The following MARCHF8 variants were observed in gnomAD, a reference collection of about 807,000 sequenced individuals.
MARCHF8 encodes the protein E3 ubiquitin-protein ligase MARCHF8.
In MARCHF8, 40 loss-of-function variants were observed where a neutral mutation model predicts 51.6. The observed-to-expected ratio is 0.77, with a 90% CI of 0.60 to 1.01. MARCHF8 has a LOEUF of 1.01. MARCHF8 is among the 50% of genes least tolerant of loss of function. The pLI, the probability that MARCHF8 is intolerant of heterozygous loss-of-function variation, is 0.00. For missense variants in MARCHF8, 685 were observed against 708.6 expected, an observed-to-expected ratio of 0.97 and a Z score of 0.38; for synonymous variants, 263 against 280.3, an observed-to-expected ratio of 0.94 and a Z score of 0.62.
intron 2 of MARCHF8, among the ~76,000 whole-genome samples, chr10:45,492,104 T>C (rs2043091050): frequency 6.6e-6 from 1 of 152,222 alleles, no homozygotes; most frequent in Non-Finnish European, 1.5e-5. Flanking sequence ...GAACAATTCA[T>C]ATTTTACATT....
At chr10:45,481,912 C>T (rs887512470) in intron 3 of MARCHF8, among the ~76,000 whole-genome samples, 3 of 151,968 alleles carry the variant, frequency 2.0e-5, no homozygotes, top group African/African-American at 4.8e-5. Context: ...TGATTTTATA[C>T]CTAGAAAAAC....
In MARCHF8 at chr10:45,456,832, G is replaced by C. The variant is rs1392758047; in HGVS notation, c.*1407C>G. The C allele has an allele frequency of 6.6e-6, 1 of 152,270 alleles. No homozygotes were observed. Among genetic ancestry groups the C allele is most frequent in the Non-Finnish European group, 1.5e-5 (1 of 68,060 alleles). The allele number at this position is 152,270 out of a possible 1,614,324, so 9.4% of individuals were successfully genotyped here. On this transcript the variant is annotated 3_prime_UTR_variant, in exon 8 of 8. Transcript: ENST00000453424. ...AGGGACAAGGCCATTTGATGGTAGTGATTTTGGTTTTGTTTTATGAAAATG... is the reference window on the plus strand; with the variant it reads ...AGGGACAAGGCCATTTGATGGTAGTCATTTTGGTTTTGTTTTATGAAAATG...
At chr10:45,468,956 A>C (rs573111695) in intron 3 of MARCHF8, among the ~76,000 whole-genome samples, 2 of 152,232 alleles carry the variant, frequency 1.3e-5, no homozygotes, top group East Asian at 3.9e-4. Flanking sequence ...TGTCTCAGCA[A>C]TTCTTTTAGG....
chr10:45,581,805 C>T (rs1372658202), intron 1 of MARCHF8, among the ~76,000 whole-genome samples: 5 of 152,008 alleles, frequency 3.3e-5, no homozygotes, highest in Admixed American at 6.6e-5. Context: ...GCTTAGTTTA[C>T]GGGGAAAGTG....
At chr10:45,590,881 C>T (rs1223197209) in intron 1 of MARCHF8, among the ~76,000 whole-genome samples, 2 of 152,200 alleles carry the variant, frequency 1.3e-5, no homozygotes, top group Admixed American at 6.5e-5. Flanking sequence ...TGCACTTATA[C>T]ATCCAGATGG....
At position 45,463,176 on chromosome 10, in the gene MARCHF8, C is replaced by T. The variant is rs780801665; in HGVS notation, c.1063G>A (p.Val355Met). The T allele has an allele frequency of 1.5e-5, 24 of 1,550,246 alleles. No individual in the cohort carries two copies. Among genetic ancestry groups the T allele is most frequent in the Non-Finnish European group, 2.0e-5 (23 of 1,146,904 alleles). Reference protein sequence around the residue: ...FSEKLPPISPVSTSGDVCRIC... With the variant: ...FSEKLPPISPMSTSGDVCRIC... Reference sequence around the variant, plus strand: ...CTGCAGACATCCCCTGACGTGGACACGGGAGATATGGGGGGTAATTTTTCA... The same window carrying T: ...CTGCAGACATCCCCTGACGTGGACATGGGAGATATGGGGGGTAATTTTTCA... The change falls in exon 5 of 8, where the codon GTG becomes ATG. Residue 355 changes from valine to methionine, a missense_variant. Physicochemically the swap from Val to Met is conservative, Grantham distance 21. Coordinates refer to ENST00000453424, the MANE Select transcript of MARCHF8 (RefSeq NM_001282866.2).
upstream of MARCHF8, among the ~76,000 whole-genome samples, chr10:45,537,432 C>G (rs1357200386): frequency 6.6e-6 from 1 of 152,072 alleles, no homozygotes; most frequent in East Asian, 1.9e-4. Flanking sequence ...GTGGGTGAAT[C>G]GCTTGAGCCC....
chr10:45,554,935 G>A (rs1165655391), intron 1 of MARCHF8, among the ~76,000 whole-genome samples: 2 of 151,932 alleles, frequency 1.3e-5, no homozygotes, highest in African/African-American at 4.8e-5. Context: ...CGCACCTGTT[G>A]TCCCAGCTAC....
chr10:45,557,399 G>A (rs369837403), intron 1 of MARCHF8, among the ~76,000 whole-genome samples: 2 of 151,982 alleles, frequency 1.3e-5, no homozygotes, highest in Non-Finnish European at 1.5e-5. Context: ...AATGTGCTGG[G>A]ATTACAGACG....
intron 1 of MARCHF8, among the ~76,000 whole-genome samples, chr10:45,582,300 C>G (rs2044564407): frequency 6.6e-6 from 1 of 152,180 alleles, no homozygotes; most frequent in Admixed American, 6.5e-5. Context: ...TCCAGAGCAC[C>G]TCCCGTTCAA....
intron 1 of MARCHF8, among the ~76,000 whole-genome samples, chr10:45,545,379 T>C (rs1179285991): frequency 6.6e-6 from 1 of 152,222 alleles, no homozygotes; most frequent in Non-Finnish European, 1.5e-5. Context: ...GCAACACTGT[T>C]CTCTGTCTCA....
chr10:45,470,355 G>A (rs1843131261), intron 3 of MARCHF8, among the ~76,000 whole-genome samples: 1 of 152,084 alleles, frequency 6.6e-6, no homozygotes, highest in African/African-American at 2.4e-5. Context: ...ACTCCACCTG[G>A]GGCAGGCCAC....
chr10:45,538,165 A>G (rs969789862), upstream of MARCHF8, among the ~76,000 whole-genome samples: 2 of 152,228 alleles, frequency 1.3e-5, no homozygotes, highest in African/African-American at 4.8e-5. Flanking sequence ...CCAATATTCA[A>G]CATTCTTAAA....
chr10:45,499,994 G>T (rs888119806), intron 2 of MARCHF8, among the ~76,000 whole-genome samples: 3 of 152,254 alleles, frequency 2.0e-5, no homozygotes, highest in African/African-American at 7.2e-5. Flanking sequence ...TTTTGAGAAG[G>T]ATTATACCGA....
rs545150765 is a variant in MARCHF8 at position 45,472,695 on chromosome 10, C to T, written c.154-8368G>A. Among the ~76,000 whole-genome samples the T allele has an allele frequency of 3.3e-5, 5 of 152,360 alleles. No individual in the cohort carries two copies. The South Asian group carries it at 1.0e-3, about 32-fold the overall frequency. On this transcript the variant is annotated intron_variant, in intron 3 of 7. Transcript: ENST00000453424. ...TGGGAAATTGTTTTAAACCTGCCCC[C>T]CTTCCACCTTCAGGAGACTGAACCA...
chr10:45,515,668 C>T (rs545876691), intron 2 of MARCHF8, among the ~76,000 whole-genome samples: 1 of 152,166 alleles, frequency 6.6e-6, no homozygotes, highest in African/African-American at 2.4e-5. Flanking sequence ...TTTCACTGTC[C>T]GGACATGTGT....
At chr10:45,480,670 C>A (rs1337310543) in intron 3 of MARCHF8, among the ~76,000 whole-genome samples, 1 of 152,214 alleles carries the variant, frequency 6.6e-6, no homozygotes, top group Non-Finnish European at 1.5e-5. Context: ...TGCGGGTACA[C>A]AAATGTCAAG....
At chr10:45,586,246 C>A (rs914021726) in intron 1 of MARCHF8, among the ~76,000 whole-genome samples, 1 of 152,196 alleles carries the variant, frequency 6.6e-6, no homozygotes. Flanking sequence ...TAACCTCAGG[C>A]AACCACTAAT....
chr10:45,541,592 G>C (rs1564510106), intron 1 of MARCHF8, among the ~76,000 whole-genome samples: 1 of 152,010 alleles, frequency 6.6e-6, no homozygotes, highest in Non-Finnish European at 1.5e-5. Flanking sequence ...TTAAAAAAAT[G>C]CAAGTGAAAA....
Sources: gnomAD v4.1 joint callset for allele counts (sites outside exome capture counted in the v4.1 genomes callset) on GRCh38, gnomAD v4.1.1 for gene constraint, MANE v1.5 for transcripts, NCBI Gene and HGNC (gene_info 2026-07-23, HGNC 2026-07-21) for gene names.